The following TRPV3 variants were observed in gnomAD, a reference collection of about 807,000 sequenced individuals.
TRPV3 encodes the protein transient receptor potential cation channel subfamily V member 3.
A neutral mutation model predicts 87.1 loss-of-function variants in TRPV3; 88 were observed. That is an observed-to-expected ratio of 1.01 (90% CI 0.85 to 1.21). The LOEUF is 1.21. Among genes scored for constraint, TRPV3 ranks in the 50% most tolerant of loss-of-function variants. The probability of loss-of-function intolerance (pLI) is 0.00; values close to 1 mark genes in which losing one functional copy is unlikely to be tolerated. For missense variants in TRPV3, 1,054 were observed against 1,030.1 expected (o/e 1.02, Z -0.32); for synonymous variants, 438 against 423.3 (o/e 1.03, Z -0.43).
At chr17:3,533,488 G>A (rs903176635) in intron 7 of TRPV3, among the ~76,000 whole-genome samples, 3 of 146,830 alleles carry the variant, frequency 2.0e-5, no homozygotes, top group Non-Finnish European at 4.5e-5. Flanking sequence ...TTGGTTCCTT[G>A]TCCTCTGCTT....
At chr17:3,544,720 G>A (rs2074506906) in intron 3 of TRPV3, 55 bp from the exon 4 acceptor site, 7 of 1,325,422 alleles carry the variant, frequency 5.3e-6, no homozygotes, top group South Asian at 3.7e-5. Flanking sequence ...AAATGGGCCG[G>A]GTGAGGTGGC....
At chr17:3,546,413 GTCTGGGCGACAGAGCGAGAC>G (rs942817362) in intron 2 of TRPV3, among the ~76,000 whole-genome samples, 5 of 148,848 alleles carry the variant, frequency 3.4e-5, no homozygotes, top group Admixed American at 3.4e-4. Context: ...CTGCACTCCA[GTCTGGGCGACAGAGCGAGAC>G]TCTATCTCAA....
chr17:3,544,331 T>C (rs2074501969), intron 4 of TRPV3, among the ~76,000 whole-genome samples: 1 of 145,810 alleles, frequency 6.9e-6, no homozygotes, highest in Non-Finnish European at 1.5e-5. Context: ...ACATAAATGG[T>C]GTCGTGCTAC....
chr17:3,524,381 G>T lies in TRPV3; in HGVS notation c.1578-18C>A. 6.2e-7 allele frequency: 1 copy of T among 1,613,492 alleles called. No homozygotes were observed. Among genetic ancestry groups the T allele is most frequent in the South Asian group, 1.1e-5 (1 of 90,956 alleles). On this transcript the variant is annotated intron_variant, in intron 12 of 17. Transcript: ENST00000576742. ...GGATAAAACTGTTCAGGAGACACAG[G>T]AGACACGGGCCTTACTTACTTCTCA...
intron 2 of TRPV3, among the ~76,000 whole-genome samples, chr17:3,551,234 C>T (rs141582145): frequency 2.6e-5 from 4 of 152,360 alleles, no homozygotes; most frequent in East Asian, 1.9e-4. Context: ...CAGTGATAAG[C>T]GCAGGGCTGG....
intron 6 of TRPV3, 60 bp from the exon 7 acceptor site, chr17:3,535,773 A>C (rs2074404173): frequency 7.1e-7 from 1 of 1,406,662 alleles, no homozygotes. Flanking sequence ...CCTCTTGCCC[A>C]CCCGCTCTGG....
chr17:3,537,732 C>A (rs1283573956), intron 6 of TRPV3, among the ~76,000 whole-genome samples: 1 of 148,982 alleles, frequency 6.7e-6, no homozygotes, highest in African/African-American at 2.5e-5. Context: ...GGAGAAACCC[C>A]ATCTCTACTG....
At chr17:3,533,297 C>CA (rs2150792580) in intron 7 of TRPV3, among the ~76,000 whole-genome samples, 1 of 152,286 alleles carries the variant, frequency 6.6e-6, no homozygotes, top group South Asian at 2.1e-4. Flanking sequence ...GGCCTTTTTC[C>CA]ACCTCCTCCA....
chr17:3,537,656 CA>C (rs1490527260), intron 6 of TRPV3, among the ~76,000 whole-genome samples: 1 of 152,130 alleles, frequency 6.6e-6, no homozygotes, highest in African/African-American at 2.4e-5. Context: ...GTAATCCCAG[CA>C]CTTTGGGAAG....
At chr17:3,551,839 C>T (rs2074577481) in intron 2 of TRPV3, among the ~76,000 whole-genome samples, 1 of 142,766 alleles carries the variant, frequency 7.0e-6, no homozygotes, top group Admixed American at 7.3e-5. Flanking sequence ...TAGGGGTCAG[C>T]ATTGCCCTCT....
At chr17:3,553,073 C>T (rs540322138) in intron 2 of TRPV3, 1 of 152,504 alleles carries the variant, frequency 6.6e-6, no homozygotes, top group African/African-American at 2.4e-5. Context: ...TGGATCTTCT[C>T]CTCTGATGCG....
Position 3,521,029 on chromosome 17 carries a change from T to C in TRPV3, c.1754A>G (p.His585Arg), listed in dbSNP as rs146214199. Residue 585 changes from histidine to arginine, a missense_variant, in exon 14 of 18, where the codon CAT becomes CGT. Coordinates refer to ENST00000576742, the MANE Select transcript of TRPV3 (RefSeq NM_145068.4). ...TACAAACAAGAACTTCAGAACATCA[T>C]GCAAAATGACCTATAAGGAAATAAA... ...YSVMIQKVIL[H>R]DVLKFLFVYI... 1.2e-6 allele frequency: 2 copies of C among 1,606,966 alleles called. No individual in the cohort carries two copies. The highest frequency in any genetic ancestry group is 1.7e-6 in the Non-Finnish European group (2 of 1,175,316).
intron 6 of TRPV3, among the ~76,000 whole-genome samples, chr17:3,538,506 G>T (rs75245825): frequency 0.045 from 6,890 of 151,444 alleles, 546 homozygotes; most frequent in African/African-American, 0.16. Context: ...TCTGTACACC[G>T]TTGTGGGGAG....
At chr17:3,517,393 G>A (rs144937122) in intron 15 of TRPV3, among the ~76,000 whole-genome samples, 7 of 152,144 alleles carry the variant, frequency 4.6e-5, no homozygotes, top group South Asian at 4.2e-4. Context: ...TGAGGCGGGC[G>A]AATCGCTTTG....
At position 3,528,867 on chromosome 17, in the gene TRPV3, G is replaced by A. The variant is rs761560146; in HGVS notation, c.1371C>T (p.Leu457=). The part of the protein sequence containing the change: ...FYFFYNITLT[L]VSYYRPREEE... ...CCTCCCGGGGGCGGTAGTACGAGACGAGGGTCAGGGTGATGTTGTAGAAGA... is the reference window on the plus strand; with the variant it reads ...CCTCCCGGGGGCGGTAGTACGAGACAAGGGTCAGGGTGATGTTGTAGAAGA... Residue 457 remains leucine (L), a synonymous_variant, in exon 10 of 18, where the codon CTC becomes CTT. Coordinates refer to ENST00000576742, the MANE Select transcript of TRPV3 (RefSeq NM_145068.4). This position sits in a 1 kb window ranked among gnomAD's most constrained non-coding sequence, Gnocchi z 4.2. The A allele has an allele frequency of 1.4e-5, 22 of 1,614,076 alleles. No individual in the cohort carries two copies. Among genetic ancestry groups the A allele is most frequent in the African/African-American group, 4.0e-5 (3 of 74,924 alleles).
At chr17:3,531,788 C>T (rs1344093771) in intron 8 of TRPV3, among the ~76,000 whole-genome samples, 5 of 152,214 alleles carry the variant, frequency 3.3e-5, no homozygotes, top group Non-Finnish European at 5.9e-5. Context: ...CTGTTGAAGC[C>T]GTTCTCCATC....
chr17:3,535,193 T>TCC (rs1453474061), intron 7 of TRPV3, among the ~76,000 whole-genome samples: 1 of 69,380 alleles, frequency 1.4e-5, no homozygotes, highest in Non-Finnish European at 3.2e-5. Flanking sequence ...CCTTCCTCCC[T>TCC]CTCCCTCCTC....
chr17:3,520,895 G>T, intron 14 of TRPV3, 78 bp downstream of exon 14: 1 of 970,304 alleles, frequency 1.0e-6, no homozygotes, highest in Non-Finnish European at 1.6e-6. Context: ...TGCCAAGGCC[G>T]CCATGCACTT....
chr17:3,527,916 G>T lies in TRPV3; in HGVS notation c.1503+109C>A, dbSNP rs902242950. On this transcript the variant is annotated intron_variant, in intron 11 of 17. Coordinates refer to ENST00000576742, the MANE Select transcript of TRPV3 (RefSeq NM_145068.4). ...ACTCAGAAAGGTAAGGCTTGGGAAG[G>T]AAACGCCTCCCCAGAACCCCCCAGC... 33 of 863,410 alleles carry T rather than the reference G, an allele frequency of 3.8e-5. 1 individual carries two copies. The East Asian group carries it at 8.3e-4, about 22-fold the overall frequency. The allele number at this position is 863,410 out of a possible 1,614,324, so 53.5% of individuals were successfully genotyped here.
Sources: gnomAD v4.1 joint callset for allele counts (sites outside exome capture counted in the v4.1 genomes callset) on GRCh38, gnomAD v4.1.1 for gene constraint, Gnocchi (gnomAD v3.1) non-coding constraint, MANE v1.5 for transcripts, NCBI Gene and HGNC (gene_info 2026-07-23, HGNC 2026-07-21) for gene names.